The following ZNF722 variants were observed in gnomAD, a reference collection of about 807,000 sequenced individuals.
ZNF722 encodes zinc finger protein 722.
the ZNF722 span, among the ~76,000 whole-genome samples, chr7:64,013,169 CT>C: frequency 5.7e-3 from 868 of 152,038 alleles, 41 homozygotes; most frequent in East Asian, 0.098. Context: ...GTTATTCAGG[CT>C]TTCTGTTTTT....
the ZNF722 span, among the ~76,000 whole-genome samples, chr7:64,007,261 C>G: frequency 8.3e-6 from 1 of 120,040 alleles, no homozygotes. Context: ...TATATTTATA[C>G]TTTAAGTTCT....
chr7:64,015,306 G>A, the ZNF722 span: 2 of 1,288,402 alleles, frequency 1.6e-6, no homozygotes, highest in African/African-American at 1.5e-5. Context: ...AAGATATACT[G>A]GAAAGAAACA....
chr7:64,005,561 A>T, the ZNF722 span: 1 of 789,082 alleles, frequency 1.3e-6, no homozygotes, highest in Non-Finnish European at 2.2e-6. Context: ...CTATGGCCAC[A>T]TGGTAACTGT....
chr7:64,008,725 G>C, the ZNF722 span, among the ~76,000 whole-genome samples: 2 of 152,232 alleles, frequency 1.3e-5, no homozygotes, highest in Admixed American at 6.5e-5. Flanking sequence ...TTGGCAATGT[G>C]GGCTCTTTTT....
chr7:64,002,741 A>G, the ZNF722 span, among the ~76,000 whole-genome samples: 1 of 152,164 alleles, frequency 6.6e-6, no homozygotes, highest in African/African-American at 2.4e-5. Flanking sequence ...CTTAATAAAC[A>G]TTTTTTTAGT....
the ZNF722 span, chr7:64,015,576 T>C: frequency 6.2e-7 from 1 of 1,613,342 alleles, no homozygotes; most frequent in South Asian, 1.1e-5. Flanking sequence ...ACCCTACACA[T>C]GTGAAGAATG....
At chr7:64,015,760 G>T in the ZNF722 span, 4 of 1,609,092 alleles carry the variant, frequency 2.5e-6, no homozygotes, top group Non-Finnish European at 3.4e-6. Context: ...GAATGTGGCA[G>T]AGCCTTTAAC....
chr7:64,006,371 A>G, the ZNF722 span: 4 of 1,140,296 alleles, frequency 3.5e-6, no homozygotes, highest in Non-Finnish European at 5.0e-6. Context: ...ACACAAATCA[A>G]CAAGGCAGCC....
At chr7:64,015,451 C>G in the ZNF722 span, 3 of 1,607,146 alleles carry the variant, frequency 1.9e-6, no homozygotes, top group Middle Eastern at 1.7e-4. Context: ...TCAAACTGTA[C>G]TACACATAAA....
the ZNF722 span, chr7:64,015,578 T>G: frequency 3.1e-6 from 5 of 1,613,686 alleles, no homozygotes; most frequent in Non-Finnish European, 4.2e-6. Flanking sequence ...CCTACACATG[T>G]GAAGAATGTG....
At chr7:64,000,238 C>T in the ZNF722 span, among the ~76,000 whole-genome samples, 109,124 of 150,132 alleles carry the variant, frequency 0.73, 40,046 homozygotes, top group Admixed American at 0.78. Flanking sequence ...TCATGCGATT[C>T]TCCTGCCTCA....
At chr7:63,998,995 G>A in the ZNF722 span, 1 of 1,576,640 alleles carries the variant, frequency 6.3e-7, no homozygotes, top group South Asian at 1.1e-5. Context: ...TGGAAGCCGA[G>A]AAATGGTGAG....
At chr7:64,000,233 C>A in the ZNF722 span, among the ~76,000 whole-genome samples, 19 of 150,424 alleles carry the variant, frequency 1.3e-4, no homozygotes, top group African/African-American at 4.7e-4. Context: ...CATGTTCATG[C>A]GATTCTCCTG....
At chr7:64,004,425 A>AAAAAAAAAAAAAAAAATATATATAT in the ZNF722 span, among the ~76,000 whole-genome samples, 4 of 61,112 alleles carry the variant, frequency 6.5e-5, no homozygotes, top group African/African-American at 3.2e-4. Context: ...AAAAAAAAAA[A>AAAAAAAAAAAAAAAAATATATATAT]ATATATATAT....
At chr7:64,003,138 G>A in the ZNF722 span, among the ~76,000 whole-genome samples, 4 of 152,172 alleles carry the variant, frequency 2.6e-5, no homozygotes, top group African/African-American at 7.2e-5. Context: ...TCAAAGGAAG[G>A]CTGCACTGCC....
the ZNF722 span, among the ~76,000 whole-genome samples, chr7:64,001,207 A>T: frequency 2.0e-5 from 3 of 152,300 alleles, no homozygotes; most frequent in South Asian, 6.2e-4. Flanking sequence ...CATAGTATCC[A>T]ACAGATTTGT....
At chr7:64,010,419 T>A in the ZNF722 span, among the ~76,000 whole-genome samples, 1 of 152,216 alleles carries the variant, frequency 6.6e-6, no homozygotes, top group African/African-American at 2.4e-5. Flanking sequence ...TTTAAATGTG[T>A]CCCAGAGATT....
chr7:64,015,948 A>T, the ZNF722 span: 32 of 1,256,938 alleles, frequency 2.5e-5, no homozygotes, highest in Non-Finnish European at 3.6e-5. Flanking sequence ...CTCAGGCCTT[A>T]TAATACATAC....
chr7:64,014,907 CT>C, the ZNF722 span: 2 of 759,564 alleles, frequency 2.6e-6, no homozygotes, highest in South Asian at 3.9e-5. Flanking sequence ...GAATTATGGC[CT>C]GTGGTAATTT....
Sources: allele counts gnomAD v4.1 joint callset (sites outside exome capture counted in the v4.1 genomes callset), GRCh38; gene constraint gnomAD v4.1.1; transcripts MANE v1.5; gene names NCBI Gene and HGNC (gene_info 2026-07-23, HGNC 2026-07-21).